The following CFAP221 variants were observed in gnomAD, a reference collection of about 807,000 sequenced individuals.
CFAP221 encodes the protein cilia- and flagella-associated protein 221.
In CFAP221, 97 loss-of-function variants were observed where a neutral mutation model predicts 113.1. The observed-to-expected ratio is 0.86, with a 90% confidence interval of 0.73 to 1.02. The LOEUF (loss-of-function observed/expected upper bound fraction) is 1.02. CFAP221 is among the 50% of genes least tolerant of loss of function. The probability of loss-of-function intolerance (pLI) is 0.00; values close to 1 mark genes in which losing one functional copy is unlikely to be tolerated. For synonymous variants in CFAP221, 331 were observed against 354.4 expected (o/e 0.93, Z 0.74); for missense variants, 1,025 against 1,013.4 (o/e 1.01, Z -0.16).
chr2:119,625,172 T>C (rs1298955449), intron 14 of CFAP221, among the ~76,000 whole-genome samples: 1 of 152,196 alleles, frequency 6.6e-6, no homozygotes, highest in African/African-American at 2.4e-5. Flanking sequence ...GCAGTTAGCA[T>C]TGCCCATAAC....
At chr2:119,657,738 C>A (rs1047090543), downstream of CFAP221, among the ~76,000 whole-genome samples, 12 of 152,200 alleles carry the variant, frequency 7.9e-5, no homozygotes, top group African/African-American at 2.7e-4. Context: ...GTGACAGTCC[C>A]TCAGTCTTTT....
At chr2:119,566,561 C>A (rs1043458616) in intron 6 of CFAP221, among the ~76,000 whole-genome samples, 3 of 152,244 alleles carry the variant, frequency 2.0e-5, no homozygotes, top group Admixed American at 6.5e-5. Context: ...GAGTACCCCC[C>A]CAGCTCCTAC....
At chr2:119,582,590 G>C (rs920015563) in intron 6 of CFAP221, among the ~76,000 whole-genome samples, 1 of 151,850 alleles carries the variant, frequency 6.6e-6, no homozygotes, top group African/African-American at 2.4e-5. Context: ...CGAGCAGCTG[G>C]GACTACAGGC....
chr2:119,588,663 A>G (rs1683382218), intron 7 of CFAP221, among the ~76,000 whole-genome samples: 2 of 152,312 alleles, frequency 1.3e-5, no homozygotes, highest in African/African-American at 4.8e-5. Flanking sequence ...AATGCATGAT[A>G]CATGAGATAC....
intron 22 of CFAP221, among the ~76,000 whole-genome samples, chr2:119,649,707 A>G (rs1415825779): frequency 6.6e-6 from 1 of 152,200 alleles, no homozygotes; most frequent in African/African-American, 2.4e-5. Flanking sequence ...TGAGTGTCAC[A>G]GGGATCGCTG....
chr2:119,641,162 A>G (rs573012520), intron 21 of CFAP221, among the ~76,000 whole-genome samples: 1 of 152,014 alleles, frequency 6.6e-6, no homozygotes, highest in African/African-American at 2.4e-5. Context: ...AACTAAGCCA[A>G]ATGCAGCTGT....
At chr2:119,572,520 A>G (rs1682135466) in intron 6 of CFAP221, 6 of 693,790 alleles carry the variant, frequency 8.6e-6, no homozygotes, top group Non-Finnish European at 1.6e-5. Context: ...GATTCATGTT[A>G]ATTCATCATG....
intron 6 of CFAP221, 59 bp from the exon 7 acceptor site, chr2:119,587,060 A>G (rs1206356324): frequency 1.5e-6 from 2 of 1,299,424 alleles, no homozygotes; most frequent in Admixed American, 2.5e-5. Context: ...CCTTGCTACC[A>G]AAAGAACCAG....
intron 21 of CFAP221, among the ~76,000 whole-genome samples, chr2:119,643,618 C>G (rs545397536): frequency 5.9e-5 from 9 of 152,286 alleles, no homozygotes; most frequent in South Asian, 4.1e-4. Context: ...GATCTCAGCT[C>G]ACTGCAACCT....
intron 16 of CFAP221, 116 bp from the exon 17 acceptor site, chr2:119,629,759 G>A (rs1686634238): frequency 8.1e-6 from 6 of 744,166 alleles, no homozygotes; most frequent in Non-Finnish European, 1.3e-5. Context: ...GGTTGCAGGA[G>A]GAGTTGCTCT....
chr2:119,594,855 G>T (rs1392658540), intron 7 of CFAP221, among the ~76,000 whole-genome samples: 1 of 152,212 alleles, frequency 6.6e-6, no homozygotes. Flanking sequence ...GGAAGCTGAG[G>T]CATGGAGTGT....
At chr2:119,564,737 T>G (rs183318399) in intron 6 of CFAP221, among the ~76,000 whole-genome samples, 1 of 152,358 alleles carries the variant, frequency 6.6e-6, no homozygotes, top group Admixed American at 6.5e-5. Context: ...GTCCACTGTA[T>G]GAATTCACCA....
intron 12 of CFAP221, among the ~76,000 whole-genome samples, chr2:119,611,202 AT>A (rs1685133262): frequency 6.6e-6 from 1 of 152,132 alleles, no homozygotes; most frequent in South Asian, 2.1e-4. Context: ...TTTTAATGAA[AT>A]TTGTATAGTC....
intron 5 of CFAP221, 79 bp downstream of exon 5, chr2:119,560,105 A>G: frequency 8.7e-7 from 1 of 1,145,666 alleles, no homozygotes; most frequent in Non-Finnish European, 1.2e-6. Context: ...GGTGGCAGAA[A>G]GAGAGGTGGA....
chr2:119,629,107 G>A (rs1574180411), intron 16 of CFAP221, among the ~76,000 whole-genome samples: 1 of 152,070 alleles, frequency 6.6e-6, no homozygotes, highest in South Asian at 2.1e-4. Context: ...CTTACATTTA[G>A]CATCTCAAAA....
intron 22 of CFAP221, among the ~76,000 whole-genome samples, chr2:119,650,264 A>G (rs564368377): frequency 2.2e-4 from 33 of 152,390 alleles, no homozygotes; most frequent in South Asian, 1.7e-3. Flanking sequence ...AGACCTGCCC[A>G]CATGCAATGA....
At chr2:119,571,133 C>CTTTTTTTTTTTTTTTTTTTT (rs34017847) in intron 6 of CFAP221, among the ~76,000 whole-genome samples, 1 of 93,132 alleles carries the variant, frequency 1.1e-5, no homozygotes, top group African/African-American at 4.4e-5. Context: ...TAACAACCCC[C>CTTTTTTTTTTTTTTTTTTTT]TTTTTTTTTT....
intron 11 of CFAP221, among the ~76,000 whole-genome samples, chr2:119,606,038 A>G (rs1446836954): frequency 6.6e-6 from 1 of 152,140 alleles, no homozygotes; most frequent in African/African-American, 2.4e-5. Context: ...CAACATTTGC[A>G]TATTTCAATG....
chr2:119,611,779 G>A lies in CFAP221; in HGVS notation c.1311+37G>A, dbSNP rs1399532100. 2.7e-6 allele frequency: 4 copies of A among 1,489,974 alleles called. No individual in the cohort carries two copies. The South Asian group carries it at 3.5e-5, about 13-fold the overall frequency. 92.3% of individuals were successfully genotyped at this position (1,489,974 alleles called of 1,614,324 possible). A position where few individuals can be genotyped will look rare whatever the true frequency, so the allele number is the denominator to read the frequency against. ...TCCTTTATTTAGAATCTGATTATTG[G>A]CAGCTCTTTAAATGCTTATTTTTTT... On this transcript the variant is annotated intron_variant, in intron 13 of 23. Transcript: ENST00000413369.
Sources: allele counts gnomAD v4.1 joint callset (sites outside exome capture counted in the v4.1 genomes callset), GRCh38; gene constraint gnomAD v4.1.1; transcripts MANE v1.5; gene names NCBI Gene and HGNC (gene_info 2026-07-23, HGNC 2026-07-21).